SHISA9: variants seen among roughly 807,000 people sequenced by gnomAD.
SHISA9 encodes protein shisa-9.
Under a neutral mutation model 38.0 loss-of-function variants are expected in SHISA9, and 13 were observed. The ratio of observed to expected loss-of-function variants is 0.34; its 90% CI spans 0.22 to 0.54. The LOEUF (loss-of-function observed/expected upper bound fraction) is 0.54. Among genes scored for constraint, SHISA9 ranks in the 20% least tolerant of loss-of-function variants. SHISA9 has a pLI of 0.91. For missense variants in SHISA9, 538 were observed against 575.8 expected (o/e 0.93, Z 0.67); for synonymous variants, 275 against 242.0 (o/e 1.14, Z -1.27).
At chr16:12,912,026 G>A (rs1428213016) in intron 1 of SHISA9, among the ~76,000 whole-genome samples, 4 of 152,198 alleles carry the variant, frequency 2.6e-5, no homozygotes, top group Non-Finnish European at 5.9e-5. Flanking sequence ...TCCCAGCGAC[G>A]GGACTGCTGG....
the SHISA9 span, among the ~76,000 whole-genome samples, chr16:13,325,475 A>C: frequency 6.6e-6 from 1 of 152,220 alleles, no homozygotes; most frequent in South Asian, 2.1e-4. Flanking sequence ...CCTTTGGCCA[A>C]GATGGGATCC....
chr16:13,135,658 C>T (rs1005340463), intron 2 of SHISA9, among the ~76,000 whole-genome samples: 2 of 152,148 alleles, frequency 1.3e-5, no homozygotes, highest in African/African-American at 4.8e-5. Context: ...CAAATTGTAT[C>T]TCAACATCTG....
chr16:12,951,091 G>A (rs113372474), intron 2 of SHISA9, among the ~76,000 whole-genome samples: 4 of 150,512 alleles, frequency 2.7e-5, no homozygotes, highest in African/African-American at 4.9e-5. Context: ...CGTGGTGGCA[G>A]GCACCTGTAA....
chr16:12,908,902 G>A, intron 1 of SHISA9: 5 of 1,039,474 alleles, frequency 4.8e-6, no homozygotes, highest in Non-Finnish European at 5.8e-6. Context: ...GGAAATCCAA[G>A]TGGCAAATGG....
chr16:12,990,589 C>T (rs2072371587), intron 2 of SHISA9, among the ~76,000 whole-genome samples: 1 of 152,188 alleles, frequency 6.6e-6, no homozygotes, highest in Non-Finnish European at 1.5e-5. Context: ...ATCAGCGATT[C>T]TCAATGCAGG....
rs1415670886 is a variant in SHISA9, at chr16:12,939,066, C to CTCCTT, written c.691+22256_691+22260dup. Reference sequence around the variant, plus strand: ...CATCTCTTCTCTCCTCTCCCCTCCTCTCCTTTCCTCTTCTCTCCTCTCCTT... The same window carrying CTCCTT: ...CATCTCTTCTCTCCTCTCCCCTCCTCTCCTTTCCTTTCCTCTTCTCTCCTCTCCTT... On this transcript the variant is annotated intron_variant, in intron 2 of 4. Coordinates refer to ENST00000558583, the MANE Select transcript of SHISA9 (RefSeq NM_001145204.3). Among the ~76,000 whole-genome samples the CTCCTT allele has an allele frequency of 3.9e-5, 6 of 152,056 alleles. No individual in the cohort carries two copies. In the East Asian group the frequency reaches 1.2e-3, roughly 30 times the overall value.
chr16:13,066,648 C>T (rs779606837), intron 2 of SHISA9, among the ~76,000 whole-genome samples: 1 of 152,170 alleles, frequency 6.6e-6, no homozygotes, highest in Non-Finnish European at 1.5e-5. Flanking sequence ...ACCATGCCTG[C>T]CTCATAAGGG....
chr16:13,283,428 A>C, the SHISA9 span, among the ~76,000 whole-genome samples: 2 of 152,128 alleles, frequency 1.3e-5, no homozygotes, highest in African/African-American at 2.4e-5. Flanking sequence ...AAAGTGGTTT[A>C]ATTGACTCAC....
chr16:13,482,810 A>AAAAG, the SHISA9 span, among the ~76,000 whole-genome samples: 1 of 151,294 alleles, frequency 6.6e-6, no homozygotes, highest in East Asian at 1.9e-4. Context: ...CTAAAAAAAA[A>AAAAG]AAAAAAAGAG....
intron 3 of SHISA9, among the ~76,000 whole-genome samples, chr16:13,207,253 C>T (rs1014583618): frequency 9.9e-5 from 15 of 152,050 alleles, no homozygotes; most frequent in Non-Finnish European, 1.5e-4. Context: ...CCCAGTCGCT[C>T]CCTGGGAAAA....
intron 2 of SHISA9, among the ~76,000 whole-genome samples, chr16:13,170,018 C>T (rs1459925870): frequency 6.6e-6 from 1 of 152,084 alleles, no homozygotes; most frequent in Non-Finnish European, 1.5e-5. Flanking sequence ...GCATGGCCAA[C>T]ATGGCGAAAC....
chr16:13,046,844 C>T (rs1483172038), intron 2 of SHISA9, among the ~76,000 whole-genome samples: 1 of 152,134 alleles, frequency 6.6e-6, no homozygotes, highest in Non-Finnish European at 1.5e-5. Context: ...CTCTGCATGG[C>T]CTGGCTGGTT....
intron 2 of SHISA9, among the ~76,000 whole-genome samples, chr16:13,123,785 G>A (rs2050233866): frequency 6.6e-6 from 1 of 152,152 alleles, no homozygotes; most frequent in Non-Finnish European, 1.5e-5. Context: ...GCTAACAGTG[G>A]GACTATGGGA....
chr16:13,125,428 G>C (rs1247292958), intron 2 of SHISA9, among the ~76,000 whole-genome samples: 2 of 152,184 alleles, frequency 1.3e-5, no homozygotes, highest in Non-Finnish European at 2.9e-5. Flanking sequence ...CTTTGGGCAG[G>C]TAGCTTCACC....
At chr16:13,058,239 G>A (rs1206843853) in intron 2 of SHISA9, among the ~76,000 whole-genome samples, 1 of 152,132 alleles carries the variant, frequency 6.6e-6, no homozygotes, top group Non-Finnish European at 1.5e-5. Flanking sequence ...TACAATACCT[G>A]AGAGCTTGTT....
chr16:13,431,618 C>T, the SHISA9 span, among the ~76,000 whole-genome samples: 135 of 152,246 alleles, frequency 8.9e-4, no homozygotes, highest in African/African-American at 2.7e-3. Flanking sequence ...GTAGTTTACA[C>T]GATTTTTCTC....
chr16:13,458,855 G>GTTTTGTT, the SHISA9 span, among the ~76,000 whole-genome samples: 17 of 151,278 alleles, frequency 1.1e-4, no homozygotes, highest in Admixed American at 3.9e-4. Flanking sequence ...GTTTTGTTTT[G>GTTTTGTT]TTTTGTTTTT....
At chr16:13,367,745 CACA>C in the SHISA9 span, among the ~76,000 whole-genome samples, 16 of 148,232 alleles carry the variant, frequency 1.1e-4, no homozygotes, top group African/African-American at 3.6e-4. Context: ...CACACACACA[CACA>C]CCCCTGAATT....
At chr16:13,163,011 A>C (rs2050608803) in intron 2 of SHISA9, among the ~76,000 whole-genome samples, 1 of 152,150 alleles carries the variant, frequency 6.6e-6, no homozygotes, top group African/African-American at 2.4e-5. Context: ...TGAAAGAAGG[A>C]AAGACAAGGA....
Sources: allele counts gnomAD v4.1 joint callset (sites outside exome capture counted in the v4.1 genomes callset), GRCh38; gene constraint gnomAD v4.1.1; transcripts MANE v1.5; gene names NCBI Gene and HGNC (gene_info 2026-07-23, HGNC 2026-07-21).